PCCB: variants seen among roughly 807,000 people sequenced by gnomAD.
PCCB encodes the protein propionyl-CoA carboxylase beta chain, mitochondrial.
PCCB carries 43 observed loss-of-function variants against 60.7 expected under a neutral mutation model. That is an observed-to-expected ratio of 0.71 (90% CI 0.55 to 0.91). The LOEUF is 0.91. Among genes scored for constraint, PCCB ranks in the 40% least tolerant of loss-of-function variants. The pLI, the probability that PCCB is intolerant of heterozygous loss-of-function variation, is 0.00. For missense variants in PCCB, 766 were observed against 702.8 expected, an observed-to-expected ratio of 1.09 and a Z score of -1.02; for synonymous variants, 276 against 255.9, an observed-to-expected ratio of 1.08 and a Z score of -0.75.
chr3:136,320,293 G>A (rs1460911865), intron 10 of PCCB, among the ~76,000 whole-genome samples: 1 of 152,162 alleles, frequency 6.6e-6, no homozygotes, highest in East Asian at 1.9e-4. Context: ...GAGTAGTATT[G>A]ACACCTTGAC....
In PCCB at chr3:136,255,953, G is replaced by A; in HGVS notation, c.281G>A (p.Gly94Glu). Residue 94 changes from glycine to glutamate, a missense_variant, in exon 2 of 15, where the codon GGA becomes GAA. Coordinates refer to ENST00000251654, the MANE Select transcript of PCCB (RefSeq NM_000532.5). ...MFVEHRCADF[G>E]MAADKNKFPG... ...GTGGAACACAGATGTGCAGATTTTG[G>A]AATGGCTGCTGATAAGAATAAGGTA... The A allele has an allele frequency of 6.2e-7, 1 of 1,614,178 alleles. No individual in the cohort carries two copies. Among genetic ancestry groups the A allele is most frequent in the Non-Finnish European group, 8.5e-7 (1 of 1,180,006 alleles).
At chr3:136,287,025 T>C (rs561576822) in intron 6 of PCCB, among the ~76,000 whole-genome samples, 1 of 149,736 alleles carries the variant, frequency 6.7e-6, no homozygotes, top group South Asian at 2.1e-4. Context: ...AGCAAGACTC[T>C]GTCTCGGAAA....
chr3:136,257,201 A>T (rs563344040), intron 3 of PCCB, among the ~76,000 whole-genome samples: 1 of 152,226 alleles, frequency 6.6e-6, no homozygotes, highest in East Asian at 1.9e-4. Context: ...GGTGGGCCCA[A>T]TATAATCACA....
intron 7 of PCCB, among the ~76,000 whole-genome samples, chr3:136,295,385 T>C (rs984764637): frequency 2.0e-5 from 3 of 152,204 alleles, no homozygotes; most frequent in Admixed American, 6.5e-5. Context: ...CCACAAAAAT[T>C]GTTTCTCCCC....
At position 136,259,909 on chromosome 3, in the gene PCCB, C is replaced by G. The variant is rs1156907009; in HGVS notation, c.373-570C>G. ...CTGGGATTACAGGCACACACCACCA[C>G]GCCCAGCTAATTTTTATATTTTAGT... On this transcript the variant is annotated intron_variant, in intron 3 of 14. Coordinates refer to ENST00000251654, the MANE Select transcript of PCCB (RefSeq NM_000532.5). Among the ~76,000 whole-genome samples, 24 of 139,978 alleles carry G rather than the reference C, an allele frequency of 1.7e-4. 1 individual carries two copies. Among genetic ancestry groups the G allele is most frequent in the South Asian group, 4.7e-4 (2 of 4,222 alleles). 91.8% of individuals were successfully genotyped at this position (139,978 alleles called of 152,430 possible). A position where few individuals can be genotyped will look rare whatever the true frequency, so the allele number is the denominator to read the frequency against.
chr3:136,290,711 C>G (rs1294289258), intron 6 of PCCB, among the ~76,000 whole-genome samples: 2 of 80,130 alleles, frequency 2.5e-5, no homozygotes, highest in African/African-American at 9.8e-5. Context: ...GCTTGATGGT[C>G]TCTGAGTTTA....
intron 10 of PCCB, among the ~76,000 whole-genome samples, chr3:136,320,935 T>G (rs1252313095): frequency 6.6e-6 from 1 of 152,234 alleles, no homozygotes; most frequent in Non-Finnish European, 1.5e-5. Context: ...TCTTTCATTA[T>G]TGTATAATGT....
intron 3 of PCCB, among the ~76,000 whole-genome samples, chr3:136,256,864 C>G (rs1425927677): frequency 6.6e-6 from 1 of 152,136 alleles, no homozygotes; most frequent in Non-Finnish European, 1.5e-5. Context: ...TCCCAAGAAC[C>G]AGGAATTTAT....
chr3:136,321,184 A>G (rs1935095775), intron 10 of PCCB, among the ~76,000 whole-genome samples: 1 of 152,136 alleles, frequency 6.6e-6, no homozygotes, highest in Admixed American at 6.6e-5. Context: ...ACAGTGTATA[A>G]CCTCTTTAAA....
chr3:136,251,327 T>C (rs1941509595), intron 1 of PCCB: 1 of 456,570 alleles, frequency 2.2e-6, no homozygotes, highest in Non-Finnish European at 4.4e-6. Flanking sequence ...TTGCCCAGTG[T>C]GTCCGTGACT....
chr3:136,325,041 C>T (rs555986942), intron 10 of PCCB, among the ~76,000 whole-genome samples: 1 of 152,202 alleles, frequency 6.6e-6, no homozygotes, highest in African/African-American at 2.4e-5. Context: ...TACAGGTGTG[C>T]ACCACGCTCG....
rs1935328550 is a variant in PCCB, at chr3:136,326,804, A to G, written c.1092A>G (p.Gly364=). 1 of 1,583,862 alleles carries G rather than the reference A, an allele frequency of 6.3e-7. No individual in the cohort carries two copies. The highest frequency in any genetic ancestry group is 8.7e-7 in the Non-Finnish European group (1 of 1,152,462). Residue 364 remains glycine, a splice_region_variant and synonymous_variant, in exon 11 of 15, where the codon GGA becomes GGG. Transcript: ENST00000251654. The part of the protein sequence containing the change: ...IVGNQPKVAS[G]CLDINSSVKG... ...TATGGATAATCTCTCTCTTTCTAGG[A>G]TGCTTGGATATTAATTCATCTGTGA...
chr3:136,275,680 A>G (rs987541057), intron 5 of PCCB, among the ~76,000 whole-genome samples: 6 of 152,048 alleles, frequency 3.9e-5, no homozygotes, highest in Admixed American at 3.9e-4. Context: ...TGTGATTCTT[A>G]ATGCTTTTAG....
At chr3:136,319,182 T>C (rs1301217222) in intron 10 of PCCB, among the ~76,000 whole-genome samples, 2 of 152,214 alleles carry the variant, frequency 1.3e-5, no homozygotes, top group Non-Finnish European at 2.9e-5. Flanking sequence ...CATCCTTTCA[T>C]GTGCTTATTG....
At chr3:136,276,742 C>T (rs1179580228) in intron 5 of PCCB, among the ~76,000 whole-genome samples, 1 of 152,156 alleles carries the variant, frequency 6.6e-6, no homozygotes, top group Non-Finnish European at 1.5e-5. Context: ...TTCTCCAGGA[C>T]CCTTCATGAG....
At chr3:136,311,380 T>G (rs545518318) in intron 9 of PCCB, among the ~76,000 whole-genome samples, 1 of 152,194 alleles carries the variant, frequency 6.6e-6, no homozygotes, top group South Asian at 2.1e-4. Context: ...TAGACAGGGT[T>G]TCACTCTGTC....
chr3:136,254,587 C>T (rs887496542), intron 1 of PCCB, among the ~76,000 whole-genome samples: 9 of 130,116 alleles, frequency 6.9e-5, no homozygotes, highest in African/African-American at 2.3e-4. Context: ...GGCTGGAGCA[C>T]GGTGGAGTGA....
rs145075817 is a variant in PCCB, at chr3:136,250,513, G to A, written c.138G>A (p.Ala46=). The A allele has an allele frequency of 1.9e-6, 3 of 1,612,952 alleles. No homozygotes were observed. The highest frequency in any genetic ancestry group is 2.5e-6 in the Non-Finnish European group (3 of 1,179,706). ...NERIENKRRT[A]LLGGGQRRID... is the part of the protein sequence containing the mutation. Reference sequence around the variant, plus strand: ...GCATCGAAAACAAGCGCCGGACCGCGCTGCTGGGAGGGGGCCAACGCCGTA... The same window carrying A: ...GCATCGAAAACAAGCGCCGGACCGCACTGCTGGGAGGGGGCCAACGCCGTA... The change falls in exon 1 of 15, where the codon GCG becomes GCA. Residue 46 remains alanine, a synonymous_variant. Coordinates refer to ENST00000251654, the MANE Select transcript of PCCB (RefSeq NM_000532.5).
chr3:136,259,078 A>T, intron 3 of PCCB: 1 of 1,182,740 alleles, frequency 8.5e-7, no homozygotes, highest in Non-Finnish European at 1.1e-6. Flanking sequence ...GGTTATGCCC[A>T]CAATAAGCCC....
Sources: allele counts gnomAD v4.1 joint callset (sites outside exome capture counted in the v4.1 genomes callset), GRCh38; gene constraint gnomAD v4.1.1; transcripts MANE v1.5; gene names NCBI Gene and HGNC (gene_info 2026-07-23, HGNC 2026-07-21).